CMTM8: variants seen among roughly 807,000 people sequenced by gnomAD.
CMTM8 encodes the protein CKLF-like MARVEL transmembrane domain-containing protein 8.
In CMTM8, 12 loss-of-function variants were observed where a neutral mutation model predicts 18.6. That is an observed-to-expected ratio of 0.65 (90% CI 0.41 to 1.05). The LOEUF (loss-of-function observed/expected upper bound fraction) is 1.05, where lower values mean the gene tolerates loss of function less well. CMTM8 is among the 50% of genes least tolerant of loss of function. The pLI, the probability that CMTM8 is intolerant of heterozygous loss-of-function variation, is 0.00. For synonymous variants in CMTM8, 87 were observed against 90.6 expected, an observed-to-expected ratio of 0.96 and a Z score of 0.23; for missense variants, 217 against 227.2, an observed-to-expected ratio of 0.95 and a Z score of 0.29.
chr3:32,285,987 G>C (rs529174534), intron 1 of CMTM8, among the ~76,000 whole-genome samples: 1 of 152,182 alleles, frequency 6.6e-6, no homozygotes, highest in African/African-American at 2.4e-5. Flanking sequence ...CTGCAGTTAG[G>C]TCAATACCTC....
chr3:32,352,518 T>C (rs1432519600), intron 1 of CMTM8, among the ~76,000 whole-genome samples: 6 of 152,086 alleles, frequency 3.9e-5, no homozygotes, highest in Non-Finnish European at 7.4e-5. Flanking sequence ...ATGGTCAAAT[T>C]TGAGAAATCA....
At chr3:32,315,641 G>T (rs1695913893) in intron 1 of CMTM8, among the ~76,000 whole-genome samples, 1 of 152,168 alleles carries the variant, frequency 6.6e-6, no homozygotes, top group African/African-American at 2.4e-5. Context: ...GTTGTACTAT[G>T]TGACTCCATG....
chr3:32,348,528 A>AATTTTTTTTTTTTTTTTT (rs1696644905), intron 1 of CMTM8, among the ~76,000 whole-genome samples: 1 of 16,248 alleles, frequency 6.2e-5, no homozygotes, highest in Non-Finnish European at 1.7e-4. Flanking sequence ...TCTTCCTGGA[A>AATTTTTTTTTTTTTTTTT]CTTTTTTTTT....
intron 1 of CMTM8, among the ~76,000 whole-genome samples, chr3:32,302,534 A>AT (rs1695640542): frequency 6.6e-6 from 1 of 152,172 alleles, no homozygotes; most frequent in Non-Finnish European, 1.5e-5. Flanking sequence ...CCAAAAGGCG[A>AT]TTGGCCCCCT....
rs1055616219 is a variant in CMTM8, at chr3:32,280,425, G to A, written c.147+41306G>A. On this transcript the variant is annotated intron_variant, in intron 1 of 3. Transcript: ENST00000307526. ...CGTGGGCCTAGTCTTTATTTGCATA[G>A]GGGTATAACTTTGTAACTTCACTTC... Among the ~76,000 whole-genome samples, 36 of 152,092 alleles carry A rather than the reference G, an allele frequency of 2.4e-4. 1 individual carries two copies. Among genetic ancestry groups the A allele is most frequent in the Admixed American group, 2.4e-3 (36 of 15,276 alleles).
rs1575094825 is a variant in CMTM8 at position 32,358,640 on chromosome 3, C to G, written c.321+1094C>G. 6.6e-6 allele frequency among the ~76,000 whole-genome samples: 1 copy of G among 152,264 alleles called. No individual in the cohort carries two copies. The highest frequency in any genetic ancestry group is 2.4e-5 in the African/African-American group (1 of 41,548). ...CTTTCTGTGTTGCTAAGCTAAGTCC[C>G]CCAGGAAAACAAGTCTTACTTTATT... On this transcript the variant is annotated intron_variant, in intron 2 of 3. Transcript: ENST00000307526. The surrounding 1 kb of genome is among the most constrained non-coding windows in gnomAD (Gnocchi z 4.1).
At chr3:32,281,549 T>A (rs2125550132) in intron 1 of CMTM8, among the ~76,000 whole-genome samples, 1 of 152,292 alleles carries the variant, frequency 6.6e-6, no homozygotes, top group African/African-American at 2.4e-5. Flanking sequence ...TAACATATCT[T>A]CCCTCCAGAA....
At chr3:32,259,970 C>A (rs940901113) in intron 1 of CMTM8, 29 of 1,130,126 alleles carry the variant, frequency 2.6e-5, no homozygotes, top group Admixed American at 5.9e-5. Flanking sequence ...CCTGCTGCAC[C>A]TGGAGTCAGA....
At chr3:32,361,273 G>A (rs1281887159) in intron 2 of CMTM8, among the ~76,000 whole-genome samples, 1 of 12,252 alleles carries the variant, frequency 8.2e-5, no homozygotes, top group South Asian at 3.6e-3. Flanking sequence ...GAGCCACGGC[G>A]CCCAGCCTAA....
chr3:32,324,185 G>A (rs937574456), intron 1 of CMTM8, among the ~76,000 whole-genome samples: 18 of 152,014 alleles, frequency 1.2e-4, no homozygotes, highest in African/African-American at 4.1e-4. Context: ...TTTCATTGGT[G>A]GTTTGCAACA....
chr3:32,282,193 C>T (rs1702618643), intron 1 of CMTM8, among the ~76,000 whole-genome samples: 1 of 152,086 alleles, frequency 6.6e-6, no homozygotes, highest in African/African-American at 2.4e-5. Flanking sequence ...ATTAAAAGAA[C>T]CCATGAGGAC....
chr3:32,357,241 T>G, intron 1 of CMTM8, 132 bp from the exon 2 acceptor site: 1 of 814,434 alleles, frequency 1.2e-6, no homozygotes, highest in Middle Eastern at 3.8e-4. Flanking sequence ...CGAGACTCCA[T>G]CTCAAATAAA....
chr3:32,333,791 T>G (rs1297509642), intron 1 of CMTM8, among the ~76,000 whole-genome samples: 1 of 152,218 alleles, frequency 6.6e-6, no homozygotes. Flanking sequence ...GATGGATACA[T>G]GTCATTATAC....
At chr3:32,288,658 G>T (rs1347393929) in intron 1 of CMTM8, among the ~76,000 whole-genome samples, 1 of 151,914 alleles carries the variant, frequency 6.6e-6, no homozygotes, top group Non-Finnish European at 1.5e-5. Context: ...CCACCACCAC[G>T]CCCAGCTAAT....
At chr3:32,327,143 A>C (rs1696177257) in intron 1 of CMTM8, among the ~76,000 whole-genome samples, 1 of 152,152 alleles carries the variant, frequency 6.6e-6, no homozygotes, top group Non-Finnish European at 1.5e-5. Flanking sequence ...GTTTTTCACA[A>C]AGGTGCTGTA....
chr3:32,353,977 G>T (rs1290684777), intron 1 of CMTM8, among the ~76,000 whole-genome samples: 2 of 151,936 alleles, frequency 1.3e-5, no homozygotes, highest in African/African-American at 4.8e-5. Flanking sequence ...TAGAGACGGG[G>T]TTTCACCATG....
chr3:32,299,850 T>C (rs1695581605), intron 1 of CMTM8, among the ~76,000 whole-genome samples: 1 of 152,178 alleles, frequency 6.6e-6, no homozygotes, highest in Non-Finnish European at 1.5e-5. Context: ...ATAGTAAATA[T>C]TTTGGGCTTT....
intron 1 of CMTM8, among the ~76,000 whole-genome samples, chr3:32,266,472 T>C (rs1702348039): frequency 6.6e-6 from 1 of 152,196 alleles, no homozygotes. Context: ...ATAAGAGCTA[T>C]ATATGACAAA....
chr3:32,300,596 A>G (rs772234059), intron 1 of CMTM8, among the ~76,000 whole-genome samples: 3 of 152,190 alleles, frequency 2.0e-5, no homozygotes, highest in Non-Finnish European at 2.9e-5. Context: ...CACTGTTCCA[A>G]TAAAACTTTA....
Sources: gnomAD v4.1 joint callset for allele counts (sites outside exome capture counted in the v4.1 genomes callset) on GRCh38, gnomAD v4.1.1 for gene constraint, Gnocchi (gnomAD v3.1) non-coding constraint, MANE v1.5 for transcripts, NCBI Gene and HGNC (gene_info 2026-07-23, HGNC 2026-07-21) for gene names.